Variants in PIBF1 observed in about 807,000 individuals in gnomAD.
PIBF1 encodes progesterone immunomodulatory binding factor 1.
PIBF1 carries 90 observed loss-of-function variants against 112.5 expected under a neutral mutation model. The observed-to-expected ratio is 0.80, with a 90% CI of 0.67 to 0.95. PIBF1 has a LOEUF of 0.95. Among genes scored for constraint, PIBF1 ranks in the 40% least tolerant of loss-of-function variants. The probability of loss-of-function intolerance (pLI) is 0.00; values close to 1 mark genes in which losing one functional copy is unlikely to be tolerated. For missense variants in PIBF1, 915 were observed against 852.3 expected (o/e 1.07, Z -0.92); for synonymous variants, 301 against 288.6 (o/e 1.04, Z -0.44).
chr13:72,880,567 T>C (rs1333955242), intron 10 of PIBF1, among the ~76,000 whole-genome samples: 1 of 152,220 alleles, frequency 6.6e-6, no homozygotes, highest in East Asian at 1.9e-4. Context: ...TTATGAAAGC[T>C]GAGACACAGG....
intron 10 of PIBF1, among the ~76,000 whole-genome samples, chr13:72,856,591 G>T (rs985973840): frequency 2.0e-5 from 3 of 152,262 alleles, no homozygotes; most frequent in Admixed American, 2.0e-4. Flanking sequence ...GAATAAATGA[G>T]TGAATGAATG....
At chr13:72,938,240 A>G (rs2041923958) in intron 14 of PIBF1, among the ~76,000 whole-genome samples, 2 of 152,138 alleles carry the variant, frequency 1.3e-5, no homozygotes, top group Non-Finnish European at 2.9e-5. Context: ...TTTAAAGTAT[A>G]CGATTTAGTA....
intron 5 of PIBF1, among the ~76,000 whole-genome samples, chr13:72,803,604 T>G (rs940850579): frequency 5.9e-5 from 9 of 152,212 alleles, no homozygotes; most frequent in African/African-American, 2.2e-4. Context: ...AAATAGTGGT[T>G]TAAAGAATAA....
intron 5 of PIBF1, among the ~76,000 whole-genome samples, chr13:72,802,688 T>A (rs1276673848): frequency 1.3e-5 from 2 of 151,700 alleles, no homozygotes; most frequent in Non-Finnish European, 2.9e-5. Context: ...GTTTGAGAGA[T>A]CTGTTAGATG....
chr13:72,959,217 A>T (rs1273435564), intron 14 of PIBF1, among the ~76,000 whole-genome samples: 1 of 152,136 alleles, frequency 6.6e-6, no homozygotes, highest in African/African-American at 2.4e-5. Flanking sequence ...GCTGGTCTCA[A>T]ATTCCTGACC....
At chr13:72,794,895 T>C (rs954607767) in intron 3 of PIBF1, among the ~76,000 whole-genome samples, 1 of 152,200 alleles carries the variant, frequency 6.6e-6, no homozygotes, top group Non-Finnish European at 1.5e-5. Flanking sequence ...CTACATGTAT[T>C]CTTTGAGAAT....
chr13:72,923,275 G>C (rs1193587986), intron 13 of PIBF1, among the ~76,000 whole-genome samples: 2 of 152,184 alleles, frequency 1.3e-5, no homozygotes, highest in African/African-American at 4.8e-5. Context: ...TTAGGAAATT[G>C]TATGTAGTAA....
chr13:72,920,560 TTA>T (rs1381468524), intron 13 of PIBF1, among the ~76,000 whole-genome samples: 1 of 152,202 alleles, frequency 6.6e-6, no homozygotes, highest in African/African-American at 2.4e-5. Context: ...TGCGCTCTTT[TTA>T]TGTTTATTTA....
intron 10 of PIBF1, among the ~76,000 whole-genome samples, chr13:72,860,835 G>A (rs1177465518): frequency 6.6e-6 from 1 of 152,136 alleles, no homozygotes; most frequent in African/African-American, 2.4e-5. Flanking sequence ...GCAAATAAAA[G>A]ACTCATGTAT....
intron 5 of PIBF1, among the ~76,000 whole-genome samples, chr13:72,804,141 G>A (rs1314546766): frequency 6.6e-6 from 1 of 151,910 alleles, no homozygotes; most frequent in African/African-American, 2.4e-5. Flanking sequence ...TTTTCCAATG[G>A]TGTCATTAAT....
At chr13:72,896,991 T>C (rs1324466669) in intron 11 of PIBF1, among the ~76,000 whole-genome samples, 1 of 152,144 alleles carries the variant, frequency 6.6e-6, no homozygotes, top group African/African-American at 2.4e-5. Flanking sequence ...CCTAGGCACA[T>C]TGTCGTCAGG....
At chr13:72,807,317 G>A (rs2035788446) in intron 5 of PIBF1, among the ~76,000 whole-genome samples, 1 of 152,154 alleles carries the variant, frequency 6.6e-6, no homozygotes, top group Non-Finnish European at 1.5e-5. Context: ...GCTCTCGCCT[G>A]TAATCTCAGC....
At chr13:72,976,042 A>G (rs1442585247) in intron 16 of PIBF1, among the ~76,000 whole-genome samples, 3 of 152,150 alleles carry the variant, frequency 2.0e-5, no homozygotes, top group African/African-American at 7.2e-5. Flanking sequence ...CATGAGTCCA[A>G]ATAAAAACCA....
intron 5 of PIBF1, among the ~76,000 whole-genome samples, chr13:72,812,795 C>A (rs975297522): frequency 5.3e-5 from 8 of 150,238 alleles, no homozygotes; most frequent in East Asian, 2.0e-4. Context: ...AAAAAAAAAA[C>A]CCCAAAACAA....
At chr13:73,002,619 A>G (rs756353224) in intron 17 of PIBF1, among the ~76,000 whole-genome samples, 1 of 152,132 alleles carries the variant, frequency 6.6e-6, no homozygotes, top group South Asian at 2.1e-4. Context: ...TATTTTCTCA[A>G]TACCTTATTA....
intron 10 of PIBF1, among the ~76,000 whole-genome samples, chr13:72,877,596 T>C (rs1566394142): frequency 6.6e-6 from 1 of 152,176 alleles, no homozygotes; most frequent in Non-Finnish European, 1.5e-5. Flanking sequence ...TTTCTTCTTG[T>C]GTCAGTTTTA....
At chr13:72,878,139 C>T (rs1372607456) in intron 10 of PIBF1, among the ~76,000 whole-genome samples, 1 of 151,574 alleles carries the variant, frequency 6.6e-6, no homozygotes, top group African/African-American at 2.4e-5. Flanking sequence ...TTCAAAGAAC[C>T]ACTTTAGATT....
intron 12 of PIBF1, among the ~76,000 whole-genome samples, chr13:72,914,189 G>A (rs377327637): frequency 4.0e-4 from 61 of 152,210 alleles, no homozygotes; most frequent in Non-Finnish European, 5.4e-4. Flanking sequence ...AATTTTAGCC[G>A]ACATGAAGGT....
chr13:72,870,736 G>A (rs2039126229), intron 10 of PIBF1, among the ~76,000 whole-genome samples: 1 of 151,444 alleles, frequency 6.6e-6, no homozygotes, highest in African/African-American at 2.4e-5. Context: ...CATGAAACAA[G>A]CATTTGAAGT....
Sources: allele counts gnomAD v4.1 joint callset (sites outside exome capture counted in the v4.1 genomes callset), GRCh38; gene constraint gnomAD v4.1.1; transcripts MANE v1.5; gene names NCBI Gene and HGNC (gene_info 2026-07-23, HGNC 2026-07-21).